KIAA1614: variants seen among roughly 807,000 people sequenced by gnomAD.
The protein encoded by KIAA1614 is KIAA1614, also known as uncharacterized protein KIAA1614.
KIAA1614 carries 76 observed loss-of-function variants against 88.7 expected under a neutral mutation model. The observed-to-expected ratio is 0.86, with a 90% confidence interval of 0.71 to 1.04. The LOEUF (loss-of-function observed/expected upper bound fraction) is 1.04, where lower values mean the gene tolerates loss of function less well. Ranked by LOEUF, KIAA1614 falls within the 50% of genes least tolerant of loss-of-function variation. The probability of loss-of-function intolerance (pLI) is 0.00; values close to 1 mark genes in which losing one functional copy is unlikely to be tolerated. For missense variants in KIAA1614, 1,553 were observed against 1,582.5 expected (o/e 0.98, Z 0.32); for synonymous variants, 714 against 675.5 (o/e 1.06, Z -0.88).
Position 180,912,912 on chromosome 1 carries a change from G to T in KIAA1614, c.-332G>T, listed in dbSNP as rs1207652410. Among the ~76,000 whole-genome samples, 1 of 151,870 alleles carries T rather than the reference G, an allele frequency of 6.6e-6. No homozygotes were observed. Among genetic ancestry groups the T allele is most frequent in the African/African-American group, 2.4e-5 (1 of 41,406 alleles). Reference sequence around the variant, plus strand: ...GGGCTTGGCCGCTCTTCCCCTCCACGGCAAAGCCGTGAACGGACAGCTGAT... The same window carrying T: ...GGGCTTGGCCGCTCTTCCCCTCCACTGCAAAGCCGTGAACGGACAGCTGAT... On this transcript the variant is annotated 5_prime_UTR_variant, in exon 1 of 9. Transcript: ENST00000367588. This position sits in a 1 kb window ranked among gnomAD's most constrained non-coding sequence, Gnocchi z 5.1.
chr1:180,916,110 G>A lies in KIAA1614; in HGVS notation c.51-44G>A, dbSNP rs61811249. The A allele has an allele frequency of 5.8e-3, 8,543 of 1,477,952 alleles. 40 individuals carry two copies. Among genetic ancestry groups the A allele is most frequent in the Admixed American group, 6.0e-3 (270 of 44,730 alleles). 91.6% of individuals were successfully genotyped at this position (1,477,952 alleles called of 1,614,324 possible). Reference sequence around the variant, plus strand: ...GGGCCCCGGGAGGTTGTGGGGGTTAGTCCTGTGCTGGGTCTTAGGAACTCT... The same window carrying A: ...GGGCCCCGGGAGGTTGTGGGGGTTAATCCTGTGCTGGGTCTTAGGAACTCT... On this transcript the variant is annotated intron_variant, in intron 1 of 8. Transcript: ENST00000367588.
chr1:180,913,329 CG>C, intron 1 of KIAA1614, 36 bp downstream of exon 1: 1 of 1,226,178 alleles, frequency 8.2e-7, no homozygotes, highest in Non-Finnish European at 1.0e-6. Context: ...GCCGGCCGGG[CG>C]GGGGTGGCGG....
chr1:180,935,569 C>A lies in KIAA1614; in HGVS notation c.1660C>A (p.Pro554Thr), dbSNP rs1335978881. 1 of 1,602,708 alleles carries A rather than the reference C, an allele frequency of 6.2e-7. No homozygotes were observed. The highest frequency in any genetic ancestry group is 2.2e-5 in the East Asian group (1 of 44,486). ...DDPRPAQGKA[P>T]PVPRTLQELQ... ...CCCGCGCCCCGCCCAGGGGAAGGCG[C>A]CCCCCGTCCCCAGGACCCTCCAGGA... Residue 554 changes from proline (P) to threonine (T), a missense_variant, in exon 5 of 9, where the codon CCC becomes ACC. Coordinates refer to ENST00000367588, the MANE Select transcript of KIAA1614 (RefSeq NM_020950.2). The surrounding 1 kb of genome is among the most constrained non-coding windows in gnomAD (Gnocchi z 6.1).
intron 3 of KIAA1614, among the ~76,000 whole-genome samples, chr1:180,920,238 G>A (rs954268499): frequency 1.3e-5 from 2 of 152,220 alleles, no homozygotes; most frequent in Non-Finnish European, 2.9e-5. Flanking sequence ...CTCTCTCCCC[G>A]GAGCAGGATG....
chr1:180,939,010 G>C (rs559463653), intron 6 of KIAA1614, among the ~76,000 whole-genome samples: 1 of 152,330 alleles, frequency 6.6e-6, no homozygotes, highest in South Asian at 2.1e-4. Flanking sequence ...CCCAGAATGG[G>C]GTTACCTGTC....
At chr1:180,916,065 C>G (rs1653786549) in intron 1 of KIAA1614, 89 bp from the exon 2 acceptor site, 1 of 884,268 alleles carries the variant, frequency 1.1e-6, no homozygotes, top group African/African-American at 1.7e-5. Flanking sequence ...CTGGACAGGA[C>G]TCAACGCCAA....
chr1:180,916,943 C>G lies in KIAA1614; in HGVS notation c.840C>G (p.Asp280Glu). Reference protein sequence around the residue: ...ALLGERWRAGDLEALGAGSSV... With the variant: ...ALLGERWRAGELEALGAGSSV... ...TGGGTGAGCGCTGGAGAGCTGGAGA[C>G]CTGGAGGCTCTGGGCGCTGGGAGCA... is the stretch of plus-strand genomic sequence containing the variant. The change falls in exon 2 of 9, where the codon GAC becomes GAG. Residue 280 changes from aspartate (D) to glutamate (E), a missense_variant. Physicochemically the swap from Asp to Glu is conservative, Grantham distance 45. Transcript: ENST00000367588. The G allele has an allele frequency of 1.9e-6, 3 of 1,614,228 alleles. No individual in the cohort carries two copies. The highest frequency in any genetic ancestry group is 2.5e-6 in the Non-Finnish European group (3 of 1,180,046).
rs2280188 is a variant in KIAA1614 at position 180,913,729 on chromosome 1, C to A, written c.50+436C>A. On this transcript the variant is annotated intron_variant, in intron 1 of 8. Coordinates refer to ENST00000367588, the MANE Select transcript of KIAA1614 (RefSeq NM_020950.2). ...AACCTCGACCTCCCGGGCTCAAGCC[C>A]GGCCTCCTCTGGCTTCAGCCTCCCC... 1.6e-4 allele frequency: 25 copies of A among 155,052 alleles called. No homozygotes were observed. In the East Asian group the frequency reaches 4.7e-3, roughly 29 times the overall value. The allele number at this position is 155,052 out of a possible 1,614,324, so 9.6% of individuals were successfully genotyped here. A position where few individuals can be genotyped will look rare whatever the true frequency, so the allele number is the denominator to read the frequency against.
chr1:180,918,728 T>C (rs1388258742), intron 3 of KIAA1614, among the ~76,000 whole-genome samples: 2 of 152,220 alleles, frequency 1.3e-5, no homozygotes, highest in African/African-American at 2.4e-5. Flanking sequence ...ACACGGTTGC[T>C]GCTCCGGTGT....
chr1:180,937,516 G>A (rs527535554), intron 5 of KIAA1614, among the ~76,000 whole-genome samples: 29 of 152,312 alleles, frequency 1.9e-4, no homozygotes, highest in African/African-American at 6.5e-4. Context: ...TGTGATCCCA[G>A]GTGACCAACT....
In KIAA1614 at chr1:180,924,647, T is replaced by C. The variant is rs114491738; in HGVS notation, c.1062-3783T>C. Among the ~76,000 whole-genome samples, 1,481 of 152,224 alleles carry C rather than the reference T, an allele frequency of 9.7e-3. 31 individuals carry two copies. The highest frequency in any genetic ancestry group is 0.033 in the African/African-American group (1,370 of 41,522). The stretch of plus-strand genomic sequence containing the variant: ...CCATGACCAATTGGCCACCTCCTGT[T>C]TTCTATCCTATGGAAGCCACCTTTT... On this transcript the variant is annotated intron_variant, in intron 3 of 8. Coordinates refer to ENST00000367588, the MANE Select transcript of KIAA1614 (RefSeq NM_020950.2).
chr1:180,938,484 A>T (rs1654380071), intron 5 of KIAA1614, 71 bp from the exon 6 acceptor site: 12 of 1,521,150 alleles, frequency 7.9e-6, no homozygotes, highest in African/African-American at 2.7e-5. Flanking sequence ...GTTGCTGGGA[A>T]TGTCCCATTC....
At position 180,916,649 on chromosome 1, in the gene KIAA1614, G is replaced by T; in HGVS notation, c.546G>T (p.Arg182Ser). The T allele has an allele frequency of 6.2e-7, 1 of 1,601,456 alleles. No individual in the cohort carries two copies. The highest frequency in any genetic ancestry group is 1.1e-5 in the South Asian group (1 of 89,406). The change falls in exon 2 of 9, where the codon AGG becomes AGT. Residue 182 changes from arginine (R) to serine (S), a missense_variant. Transcript: ENST00000367588. ...CCCCTGGACGTGAGTACTGCAACAG[G>T]GGGAGCCCGTGGCCTCCAGAAGCCG... The part of the protein sequence containing the change: ...PPAPGREYCN[R>S]GSPWPPEAEW...
chr1:180,950,577 T>C lies in KIAA1614; in HGVS notation c.*4989T>C, dbSNP rs1222933679. The C allele has an allele frequency of 7.6e-6, 8 of 1,053,250 alleles. No individual in the cohort carries two copies. Among genetic ancestry groups the C allele is most frequent in the Non-Finnish European group, 9.3e-6 (8 of 859,856 alleles). The allele number at this position is 1,053,250 out of a possible 1,614,324, so 65.2% of individuals were successfully genotyped here. On this transcript the variant is annotated 3_prime_UTR_variant, in exon 9 of 9. Transcript: ENST00000367588. ...CTCACTGTCACGGCCTCGGAAGCCC[T>C]GAAGCACTCAGGGTGGTTGGCAGGA...
At position 180,913,269 on chromosome 1, in the gene KIAA1614, C is replaced by G; in HGVS notation, c.26C>G (p.Ala9Gly). The G allele has an allele frequency of 7.9e-7, 1 of 1,260,140 alleles. No individual in the cohort carries two copies. The highest frequency in any genetic ancestry group is 1.0e-6 in the Non-Finnish European group (1 of 996,808). 78.1% of individuals were successfully genotyped at this position (1,260,140 alleles called of 1,614,324 possible). A position where few individuals can be genotyped will look rare whatever the true frequency, so the allele number is the denominator to read the frequency against. Reference sequence around the variant, plus strand: ...ATGGAGGGGACAGAGGCGGCGGCGGCCAAACCCGCGGGCGGCAGCCCCCAG... The same window carrying G: ...ATGGAGGGGACAGAGGCGGCGGCGGGCAAACCCGCGGGCGGCAGCCCCCAG... The part of the protein sequence containing the change: MEGTEAAA[A>G]KPAGGSPQGP... The change falls in exon 1 of 9, where the codon GCC (alanine) becomes GGC (glycine). Residue 9 changes from alanine (A) to glycine (G), a missense_variant. Ala to Gly is a moderately conservative substitution (Grantham distance 60). Coordinates refer to ENST00000367588, the MANE Select transcript of KIAA1614 (RefSeq NM_020950.2).
At chr1:180,926,036 T>C (rs142399611) in intron 3 of KIAA1614, among the ~76,000 whole-genome samples, 48 of 152,274 alleles carry the variant, frequency 3.2e-4, no homozygotes, top group Non-Finnish European at 6.0e-4. Flanking sequence ...GCCACTTTAT[T>C]CCTATGCTCC....
chr1:180,935,731 G>C lies in KIAA1614; in HGVS notation c.1822G>C (p.Val608Leu), dbSNP rs139066333. 1 of 1,613,844 alleles carries C rather than the reference G, an allele frequency of 6.2e-7. No individual in the cohort carries two copies. The highest frequency in any genetic ancestry group is 8.5e-7 in the Non-Finnish European group (1 of 1,179,960). ...HIGDTVCPAE[V>L]DSALDSTDNS... is the part of the protein sequence containing the mutation. ...CGGAGACACCGTGTGCCCTGCGGAG[G>C]TGGACTCTGCCCTGGACAGCACAGA... The change falls in exon 5 of 9, where the codon GTG (valine) becomes CTG (leucine). Residue 608 changes from valine (V) to leucine (L), a missense_variant. Transcript: ENST00000367588. This position sits in a 1 kb window ranked among gnomAD's most constrained non-coding sequence, Gnocchi z 6.1.
rs777007800 is a variant in KIAA1614, at chr1:180,945,349, G to A, written c.3334G>A (p.Gly1112Ser). The change falls in exon 9 of 9, where the codon GGT becomes AGT. Residue 1112 changes from glycine (G) to serine (S), a missense_variant. By Grantham distance (56) the Gly-to-Ser change is moderately conservative (BLOSUM62 0). Transcript: ENST00000367588. ...GCGTGCCCTCAGTGTGGAGGACGTGGGTGCTCCCAGCCTGGCTCGCACCGT... is the reference window on the plus strand; with the variant it reads ...GCGTGCCCTCAGTGTGGAGGACGTGAGTGCTCCCAGCCTGGCTCGCACCGT... ...PRRALSVEDV[G>S]APSLARTVGR... 1 of 1,595,886 alleles carries A rather than the reference G, an allele frequency of 6.3e-7. No individual in the cohort carries two copies. Among genetic ancestry groups the A allele is most frequent in the South Asian group, 1.1e-5 (1 of 88,464 alleles).
chr1:180,939,761 A>T (rs925830664), intron 6 of KIAA1614, among the ~76,000 whole-genome samples: 2 of 152,184 alleles, frequency 1.3e-5, no homozygotes, highest in Non-Finnish European at 2.9e-5. Flanking sequence ...AGTAGACTTC[A>T]CACCCCGGCT....
Sources: allele counts gnomAD v4.1 joint callset (sites outside exome capture counted in the v4.1 genomes callset), GRCh38; gene constraint gnomAD v4.1.1; non-coding constraint Gnocchi (gnomAD v3.1); transcripts MANE v1.5; gene names NCBI Gene and HGNC (gene_info 2026-07-23, HGNC 2026-07-21).